The following PCDH9 variants were observed in gnomAD, a reference collection of about 807,000 sequenced individuals.
PCDH9 encodes the protein protocadherin-9.
In PCDH9, 24 loss-of-function variants were observed where a neutral mutation model predicts 70.6. That is an observed-to-expected ratio of 0.34 (90% confidence interval 0.25 to 0.48). PCDH9 has a LOEUF of 0.48. Among genes scored for constraint, PCDH9 ranks in the 20% least tolerant of loss-of-function variants. The pLI is 0.99. For missense variants in PCDH9, 1,281 were observed against 1,503.6 expected (o/e 0.85, Z 2.45); for synonymous variants, 562 against 558.5 (o/e 1.01, Z -0.09).
chr13:66,710,770 AT>A (rs58204394), intron 3 of PCDH9, among the ~76,000 whole-genome samples: 1 of 151,748 alleles, frequency 6.6e-6, no homozygotes, highest in Admixed American at 6.6e-5. Context: ...TGCCTTTTTC[AT>A]TTTTTTAAAG....
intron 2 of PCDH9, among the ~76,000 whole-genome samples, chr13:67,003,465 T>C (rs2084285720): frequency 6.6e-6 from 1 of 152,202 alleles, no homozygotes; most frequent in Non-Finnish European, 1.5e-5. Flanking sequence ...GGAATTATAA[T>C]GGTACAAGTT....
chr13:66,713,481 G>A (rs2078822319), intron 3 of PCDH9, among the ~76,000 whole-genome samples: 1 of 150,904 alleles, frequency 6.6e-6, no homozygotes, highest in Non-Finnish European at 1.5e-5. Flanking sequence ...CAACAAAAGA[G>A]ATGATTACCC....
chr13:66,388,457 C>A (rs1956967048), intron 4 of PCDH9, among the ~76,000 whole-genome samples: 1 of 151,970 alleles, frequency 6.6e-6, no homozygotes, highest in Non-Finnish European at 1.5e-5. Context: ...TTCTAGAAGC[C>A]TCCTCAAACA....
chr13:66,933,892 CAAAAAA>C (rs10570715), intron 2 of PCDH9, among the ~76,000 whole-genome samples: 1 of 101,306 alleles, frequency 9.9e-6, no homozygotes, highest in Non-Finnish European at 2.0e-5. Flanking sequence ...ATAAGCTAGG[CAAAAAA>C]AAAAAAAAAG....
chr13:66,744,013 A>G (rs1475758848), intron 3 of PCDH9, among the ~76,000 whole-genome samples: 1 of 152,154 alleles, frequency 6.6e-6, no homozygotes, highest in Non-Finnish European at 1.5e-5. Context: ...GAGAAAGGCC[A>G]TACGTGCATA....
intron 3 of PCDH9, among the ~76,000 whole-genome samples, chr13:66,868,725 T>C (rs1414886124): frequency 6.6e-6 from 1 of 152,098 alleles, no homozygotes; most frequent in Non-Finnish European, 1.5e-5. Flanking sequence ...TGACATGAAA[T>C]TATGGCAAGA....
chr13:66,878,886 T>C (rs1383646821), intron 3 of PCDH9, among the ~76,000 whole-genome samples: 1 of 152,188 alleles, frequency 6.6e-6, no homozygotes, highest in Non-Finnish European at 1.5e-5. Context: ...TCAAGTGTTT[T>C]GTAAGGGTTC....
rs570836477 is a variant in PCDH9 at position 66,794,599 on chromosome 13, G to C, written c.3138+108905C>G. Among the ~76,000 whole-genome samples the C allele has an allele frequency of 2.0e-5, 3 of 152,110 alleles. No individual in the cohort carries two copies. In the East Asian group the frequency reaches 5.8e-4, roughly 29 times the overall value. Reference sequence around the variant, plus strand: ...CATTATCACCCAACCTCCACCTAAGGCTTTAACAATCTCTGTGGATTAAAG... The same window carrying C: ...CATTATCACCCAACCTCCACCTAAGCCTTTAACAATCTCTGTGGATTAAAG... On this transcript the variant is annotated intron_variant, in intron 3 of 4. Coordinates refer to ENST00000377865, the MANE Select transcript of PCDH9 (RefSeq NM_203487.3).
intron 4 of PCDH9, among the ~76,000 whole-genome samples, chr13:66,449,981 G>A (rs1255331910): frequency 6.6e-6 from 1 of 152,026 alleles, no homozygotes; most frequent in East Asian, 1.9e-4. Context: ...ACAATAGGCA[G>A]GACAATTGCT....
At chr13:67,132,009 C>T (rs2087122916) in intron 2 of PCDH9, among the ~76,000 whole-genome samples, 1 of 152,118 alleles carries the variant, frequency 6.6e-6, no homozygotes, top group South Asian at 2.1e-4. Context: ...CAAATGACTC[C>T]ATAGAATTTC....
chr13:66,659,804 CTG>C (rs972543298), intron 3 of PCDH9, among the ~76,000 whole-genome samples: 4 of 149,522 alleles, frequency 2.7e-5, no homozygotes, highest in Non-Finnish European at 5.9e-5. Flanking sequence ...GGGTGTGTGC[CTG>C]TGTGTGTGTG....
intron 3 of PCDH9, among the ~76,000 whole-genome samples, chr13:66,644,130 A>G (rs1334398011): frequency 3.9e-5 from 6 of 152,030 alleles, no homozygotes; most frequent in African/African-American, 1.4e-4. Context: ...GACTTTTTCA[A>G]TGAAATTATT....
intron 3 of PCDH9, among the ~76,000 whole-genome samples, chr13:66,646,580 T>C (rs1344500096): frequency 6.6e-6 from 1 of 152,184 alleles, no homozygotes; most frequent in Non-Finnish European, 1.5e-5. Flanking sequence ...ACTTCATTTT[T>C]CTTAACATGA....
chr13:66,774,212 A>G (rs966335131), intron 3 of PCDH9, among the ~76,000 whole-genome samples: 7 of 152,226 alleles, frequency 4.6e-5, no homozygotes, highest in Admixed American at 1.3e-4. Flanking sequence ...ATAAGGGACT[A>G]AAGACCACAG....
chr13:66,726,852 T>G (rs2079012100), intron 3 of PCDH9, among the ~76,000 whole-genome samples: 1 of 152,218 alleles, frequency 6.6e-6, no homozygotes, highest in African/African-American at 2.4e-5. Context: ...AGACTGCTGA[T>G]TATCTCAAAT....
chr13:66,675,316 T>C (rs569367010), intron 3 of PCDH9, among the ~76,000 whole-genome samples: 2 of 152,260 alleles, frequency 1.3e-5, no homozygotes, highest in South Asian at 2.1e-4. Flanking sequence ...TATTTTTTAA[T>C]CGTAAATATC....
At chr13:66,755,198 A>AT (rs2079521321) in intron 3 of PCDH9, among the ~76,000 whole-genome samples, 1 of 148,912 alleles carries the variant, frequency 6.7e-6, no homozygotes, top group Admixed American at 6.7e-5. Context: ...TCATGGGAAC[A>AT]GAATAAATTT....
At chr13:66,851,573 C>CCACACACACACACA (rs1394604374) in intron 3 of PCDH9, among the ~76,000 whole-genome samples, 1 of 108,948 alleles carries the variant, frequency 9.2e-6, no homozygotes, top group African/African-American at 3.4e-5. Context: ...CCCGCATCAC[C>CCACACACACACACA]CTCACACACA....
At chr13:66,903,202 TA>T in intron 3 of PCDH9, among the ~76,000 whole-genome samples, 1 of 151,982 alleles carries the variant, frequency 6.6e-6, no homozygotes, top group East Asian at 1.9e-4. Flanking sequence ...CATCTAGCTT[TA>T]AAAGAAAGTT....
Sources: allele counts gnomAD v4.1 joint callset (sites outside exome capture counted in the v4.1 genomes callset), GRCh38; gene constraint gnomAD v4.1.1; transcripts MANE v1.5; gene names NCBI Gene and HGNC (gene_info 2026-07-23, HGNC 2026-07-21).